The following NLGN1 variants were observed in gnomAD, a reference collection of about 807,000 sequenced individuals.
The protein encoded by NLGN1 is neuroligin-1.
In NLGN1, 12 loss-of-function variants were observed where a neutral mutation model predicts 65.5. The observed-to-expected ratio is 0.18, with a 90% confidence interval of 0.12 to 0.30. The LOEUF is 0.30. Among genes scored for constraint, NLGN1 ranks in the 10% least tolerant of loss-of-function variants. NLGN1 has a pLI of 1.00. For missense variants in NLGN1, 750 were observed against 1,007.1 expected, an observed-to-expected ratio of 0.74 and a Z score of 3.46; for synonymous variants, 350 against 359.5, an observed-to-expected ratio of 0.97 and a Z score of 0.30.
intron 2 of NLGN1, among the ~76,000 whole-genome samples, chr3:173,541,598 G>A (rs1738874744): frequency 6.6e-6 from 1 of 152,062 alleles, no homozygotes; most frequent in African/African-American, 2.4e-5. Context: ...TTGTAGGTAG[G>A]GGGATTAACT....
intron 4 of NLGN1, among the ~76,000 whole-genome samples, chr3:173,934,696 A>G (rs1177860953): frequency 2.4e-4 from 36 of 151,990 alleles, no homozygotes; most frequent in Admixed American, 2.4e-3. Context: ...TTTTATGAGT[A>G]TTCTCAAAGT....
chr3:173,583,046 T>C (rs1301849523), intron 2 of NLGN1, among the ~76,000 whole-genome samples: 1 of 152,212 alleles, frequency 6.6e-6, no homozygotes, highest in South Asian at 2.1e-4. Context: ...CACAAATCCA[T>C]GAATATTTTT....
chr3:174,072,597 G>A (rs1443162082), intron 4 of NLGN1, among the ~76,000 whole-genome samples: 4 of 152,072 alleles, frequency 2.6e-5, no homozygotes, highest in East Asian at 3.9e-4. Flanking sequence ...ATTGAGCAAC[G>A]GGAATGTGAG....
At chr3:173,445,626 G>A (rs1720124474) in intron 2 of NLGN1, among the ~76,000 whole-genome samples, 1 of 152,212 alleles carries the variant, frequency 6.6e-6, no homozygotes, top group Admixed American at 6.5e-5. Context: ...AGCCTGCTGA[G>A]ATATGTTGGA....
chr3:173,673,586 A>T (rs980047208), intron 3 of NLGN1, among the ~76,000 whole-genome samples: 9 of 152,164 alleles, frequency 5.9e-5, no homozygotes, highest in African/African-American at 1.9e-4. Context: ...TTTAGTTCCT[A>T]AAATAATGCT....
At chr3:174,124,825 T>C (rs1242958461) in intron 4 of NLGN1, among the ~76,000 whole-genome samples, 3 of 151,838 alleles carry the variant, frequency 2.0e-5, no homozygotes, top group Admixed American at 1.3e-4. Context: ...TATGGGAGCA[T>C]GTAACAAAAG....
At chr3:173,736,224 C>T (rs566146242) in intron 3 of NLGN1, among the ~76,000 whole-genome samples, 1 of 152,148 alleles carries the variant, frequency 6.6e-6, no homozygotes, top group Admixed American at 6.6e-5. Flanking sequence ...TTTCTACCTA[C>T]CTTCTTTTCT....
At chr3:173,756,444 C>A (rs980992131) in intron 3 of NLGN1, among the ~76,000 whole-genome samples, 23 of 151,562 alleles carry the variant, frequency 1.5e-4, no homozygotes, top group African/African-American at 5.3e-4. Flanking sequence ...AAAAATTAAA[C>A]CTTTTCAGGG....
intron 4 of NLGN1, among the ~76,000 whole-genome samples, chr3:174,198,630 GA>G (rs554299144): frequency 1.3e-5 from 2 of 152,008 alleles, no homozygotes; most frequent in Admixed American, 6.6e-5. Context: ...ATTTGAAAAA[GA>G]ATGTAATGGG....
intron 3 of NLGN1, among the ~76,000 whole-genome samples, chr3:173,618,143 G>C (rs1166242347): frequency 6.6e-6 from 1 of 152,006 alleles, no homozygotes; most frequent in African/African-American, 2.4e-5. Flanking sequence ...GCCTTCCGTT[G>C]GTTATCACCA....
chr3:173,584,242 AAG>A (rs1577387283), intron 2 of NLGN1, among the ~76,000 whole-genome samples: 1 of 148,508 alleles, frequency 6.7e-6, no homozygotes, highest in African/African-American at 2.6e-5. Flanking sequence ...AAGGGGCAGA[AAG>A]AAAAAAAAAA....
chr3:173,763,228 C>T (rs1344273780), intron 3 of NLGN1, among the ~76,000 whole-genome samples: 1 of 152,050 alleles, frequency 6.6e-6, no homozygotes, highest in African/African-American at 2.4e-5. Context: ...ATTTAATGAA[C>T]ATCATTATTC....
chr3:173,871,746 G>A (rs1021248150), intron 4 of NLGN1, among the ~76,000 whole-genome samples: 1 of 152,200 alleles, frequency 6.6e-6, no homozygotes, highest in Non-Finnish European at 1.5e-5. Flanking sequence ...TTCCTGTTTC[G>A]GTTCTTTTTC....
At chr3:173,663,816 G>A (rs9867024) in intron 3 of NLGN1, among the ~76,000 whole-genome samples, 8,296 of 151,652 alleles carry the variant, frequency 0.055, 565 homozygotes, top group African/African-American at 0.15. Flanking sequence ...TGAAAGTCAC[G>A]CTTCTTGAAG....
At chr3:174,024,464 G>T (rs2152462066) in intron 4 of NLGN1, among the ~76,000 whole-genome samples, 1 of 152,172 alleles carries the variant, frequency 6.6e-6, no homozygotes, top group Middle Eastern at 3.4e-3. Flanking sequence ...GCTAGGATTG[G>T]GGACACTTTA....
At chr3:174,263,425 T>G (rs62291791) in intron 4 of NLGN1, among the ~76,000 whole-genome samples, 1 of 149,796 alleles carries the variant, frequency 6.7e-6, no homozygotes, top group East Asian at 2.0e-4. Context: ...TTGATCCCTT[T>G]ACCATTATGT....
intron 4 of NLGN1, among the ~76,000 whole-genome samples, chr3:174,036,149 A>G (rs1357671489): frequency 1.3e-5 from 2 of 152,206 alleles, no homozygotes; most frequent in Non-Finnish European, 2.9e-5. Context: ...TAAAATCTAG[A>G]TCAGATTTAA....
chr3:173,833,530 AT>A (rs1254687491), intron 4 of NLGN1, among the ~76,000 whole-genome samples: 13 of 151,442 alleles, frequency 8.6e-5, no homozygotes, highest in African/African-American at 3.2e-4. Flanking sequence ...TTATTTATTT[AT>A]TTTTTTGAGA....
intron 4 of NLGN1, among the ~76,000 whole-genome samples, chr3:174,081,631 C>T (rs1742260225): frequency 6.9e-6 from 1 of 144,088 alleles, no homozygotes; most frequent in South Asian, 2.2e-4. Context: ...CAGAGTTTCG[C>T]TCTTGTTGCC....
Sources: gnomAD v4.1 joint callset for allele counts (sites outside exome capture counted in the v4.1 genomes callset) on GRCh38, gnomAD v4.1.1 for gene constraint, MANE v1.5 for transcripts, NCBI Gene and HGNC (gene_info 2026-07-23, HGNC 2026-07-21) for gene names.